The following DENND5B variants were observed in gnomAD, a reference collection of about 807,000 sequenced individuals.
The protein encoded by DENND5B is DENN domain-containing protein 5B.
Under a neutral mutation model 140.6 loss-of-function variants are expected in DENND5B, and 34 were observed. The observed-to-expected ratio is 0.24, with a 90% confidence interval of 0.18 to 0.32. The LOEUF (loss-of-function observed/expected upper bound fraction) is 0.32, where lower values mean the gene tolerates loss of function less well. Among genes scored for constraint, DENND5B ranks in the 10% least tolerant of loss-of-function variants. The pLI is 1.00. For missense variants in DENND5B, 1,142 were observed against 1,560.2 expected, an observed-to-expected ratio of 0.73 and a Z score of 4.52; for synonymous variants, 551 against 562.1, an observed-to-expected ratio of 0.98 and a Z score of 0.28.
chr12:31,409,012 G>C (rs1325616337), intron 14 of DENND5B, among the ~76,000 whole-genome samples: 1 of 152,180 alleles, frequency 6.6e-6, no homozygotes, highest in Non-Finnish European at 1.5e-5. Flanking sequence ...ATGGGATGCT[G>C]GCTGGAACTG....
intron 1 of DENND5B, among the ~76,000 whole-genome samples, chr12:31,503,867 A>G (rs1290768729): frequency 1.3e-5 from 2 of 152,136 alleles, no homozygotes; most frequent in African/African-American, 4.8e-5. Context: ...GTCTCACACT[A>G]TTTCCCTCTC....
intron 2 of DENND5B, among the ~76,000 whole-genome samples, chr12:31,487,599 G>A (rs181111127): frequency 2.0e-5 from 3 of 152,250 alleles, no homozygotes; most frequent in Admixed American, 2.0e-4. Context: ...CTACCTGGAA[G>A]GCTGAGGCAC....
chr12:31,431,970 T>C, intron 8 of DENND5B: 1 of 764,136 alleles, frequency 1.3e-6, no homozygotes, highest in South Asian at 5.9e-5. Flanking sequence ...CTCACACATG[T>C]GTAACATTCA....
At chr12:31,484,210 C>T (rs1405910153) in intron 2 of DENND5B, among the ~76,000 whole-genome samples, 1 of 152,132 alleles carries the variant, frequency 6.6e-6, no homozygotes, top group Non-Finnish European at 1.5e-5. Context: ...GAGACAACCA[C>T]AACATCGACA....
At chr12:31,517,658 T>C (rs1947715197) in intron 1 of DENND5B, among the ~76,000 whole-genome samples, 1 of 152,208 alleles carries the variant, frequency 6.6e-6, no homozygotes, top group Non-Finnish European at 1.5e-5. Context: ...ATAAGATGAT[T>C]AAGTCTCCTC....
chr12:31,527,583 G>A (rs1250978825), intron 1 of DENND5B, among the ~76,000 whole-genome samples: 1 of 152,134 alleles, frequency 6.6e-6, no homozygotes, highest in Non-Finnish European at 1.5e-5. Context: ...TTCGAGACCA[G>A]CCTGGCCAAC....
At position 31,387,381 on chromosome 12, in the gene DENND5B, T is replaced by A; in HGVS notation, c.*222A>T. The A allele has an allele frequency of 2.4e-6, 1 of 420,518 alleles. No individual in the cohort carries two copies. The highest frequency in any genetic ancestry group is 4.2e-6 in the Non-Finnish European group (1 of 237,568). 26.0% of individuals were successfully genotyped at this position (420,518 alleles called of 1,614,324 possible). A position where few individuals can be genotyped will look rare whatever the true frequency, so the allele number is the denominator to read the frequency against. ...TAATTTCTTAAAGAAGATAGCATAT[T>A]TACACACATCTAACACATGAAAATA... On this transcript the variant is annotated 3_prime_UTR_variant, in exon 21 of 21. Coordinates refer to ENST00000389082, the MANE Select transcript of DENND5B (RefSeq NM_144973.4).
Position 31,415,948 on chromosome 12 carries a change from G to A in DENND5B, c.2471-500C>T, listed in dbSNP as rs146021089. On this transcript the variant is annotated intron_variant, in intron 11 of 20. Coordinates refer to ENST00000389082, the MANE Select transcript of DENND5B (RefSeq NM_144973.4). ...CCTCCCAGGTCCAAGCCATTCTCCC[G>A]CCTCAGTCTCCCGAGTAGCTGGGAT... is the stretch of plus-strand genomic sequence containing the variant. Among the ~76,000 whole-genome samples the A allele has an allele frequency of 1.7e-4, 26 of 151,556 alleles. No individual in the cohort carries two copies. The East Asian group carries it at 4.3e-3, about 25-fold the overall frequency.
intron 2 of DENND5B, among the ~76,000 whole-genome samples, chr12:31,491,996 CA>C (rs2138693009): frequency 6.6e-6 from 1 of 152,282 alleles, no homozygotes; most frequent in Non-Finnish European, 1.5e-5. Flanking sequence ...CAGCTTCATA[CA>C]AACGCACTTA....
chr12:31,534,982 G>T, intron 1 of DENND5B: 1 of 252,086 alleles, frequency 4.0e-6, no homozygotes, highest in South Asian at 4.0e-5. Flanking sequence ...GCTGAGGCAG[G>T]AAGATAGCTT....
rs115414676 is a variant in DENND5B at position 31,560,990 on chromosome 12, G to A, written c.127+29716C>T. ...CTCATTTCACCTAGCAGAGACCGTG[G>A]AAGAAAGTACTAAGATCAGAGGGAG... is the stretch of plus-strand genomic sequence containing the variant. On this transcript the variant is annotated intron_variant, in intron 1 of 20. Transcript: ENST00000389082. 9.6e-3 allele frequency among the ~76,000 whole-genome samples: 1,454 copies of A among 152,220 alleles called. 26 individuals are homozygous for A. Among genetic ancestry groups the A allele is most frequent in the African/African-American group, 0.033 (1,376 of 41,514 alleles).
At chr12:31,446,681 G>T (rs1405885517) in intron 6 of DENND5B, among the ~76,000 whole-genome samples, 2 of 151,676 alleles carry the variant, frequency 1.3e-5, no homozygotes, top group Non-Finnish European at 2.9e-5. Flanking sequence ...CGATCACGAG[G>T]TCGGGAGATC....
intron 4 of DENND5B, among the ~76,000 whole-genome samples, chr12:31,459,789 C>T (rs1944934870): frequency 2.0e-5 from 3 of 152,076 alleles, no homozygotes; most frequent in African/African-American, 4.8e-5. Context: ...CAACATGTTA[C>T]TTTTCATTTG....
At chr12:31,502,287 C>G (rs1947037823) in intron 1 of DENND5B, among the ~76,000 whole-genome samples, 1 of 152,012 alleles carries the variant, frequency 6.6e-6, no homozygotes, top group South Asian at 2.1e-4. Context: ...TGCACTCCAG[C>G]CTGGGTGACA....
At chr12:31,465,323 G>C (rs1945209819) in intron 3 of DENND5B, 1 of 152,366 alleles carries the variant, frequency 6.6e-6, no homozygotes. Context: ...TGGACTTCCT[G>C]ATGTAGCTGG....
At chr12:31,469,211 G>T (rs1202584866) in intron 3 of DENND5B, among the ~76,000 whole-genome samples, 1 of 151,808 alleles carries the variant, frequency 6.6e-6, no homozygotes, top group African/African-American at 2.4e-5. Flanking sequence ...GCATGTGCCT[G>T]TAATCCCAGC....
chr12:31,421,194 C>T (rs1248006263), intron 11 of DENND5B, among the ~76,000 whole-genome samples: 1 of 152,020 alleles, frequency 6.6e-6, no homozygotes, highest in East Asian at 1.9e-4. Flanking sequence ...CAGACACCTG[C>T]CACCCATGCC....
At chr12:31,440,079 C>A (rs1314961521) in intron 7 of DENND5B, among the ~76,000 whole-genome samples, 1 of 151,598 alleles carries the variant, frequency 6.6e-6, no homozygotes, top group Non-Finnish European at 1.5e-5. Context: ...ATGGAAAATT[C>A]TCTTAATTAT....
chr12:31,406,302 AAT>A (rs1942125725), intron 14 of DENND5B, among the ~76,000 whole-genome samples: 1 of 152,222 alleles, frequency 6.6e-6, no homozygotes, highest in African/African-American at 2.4e-5. Flanking sequence ...ATAGCCTCAC[AAT>A]ATGAGCTCAT....
Sources: gnomAD v4.1 joint callset for allele counts (sites outside exome capture counted in the v4.1 genomes callset) on GRCh38, gnomAD v4.1.1 for gene constraint, MANE v1.5 for transcripts, NCBI Gene and HGNC (gene_info 2026-07-23, HGNC 2026-07-21) for gene names.